The following TPO variants were observed in gnomAD, a reference collection of about 807,000 sequenced individuals.
The protein encoded by TPO is thyroid peroxidase.
A neutral mutation model predicts 96.9 loss-of-function variants in TPO; 78 were observed. The observed-to-expected ratio is 0.81, with a 90% CI of 0.67 to 0.97. The LOEUF (loss-of-function observed/expected upper bound fraction) is 0.97. TPO is among the 50% of genes least tolerant of loss of function. TPO has a pLI of 0.00. For missense variants in TPO, 1,252 were observed against 1,274.8 expected, an observed-to-expected ratio of 0.98 and a Z score of 0.27; for synonymous variants, 547 against 538.0, an observed-to-expected ratio of 1.02 and a Z score of -0.23.
chr2:1,480,824 C>CCAAACCATGTTTCT (rs1558339135), intron 8 of TPO, among the ~76,000 whole-genome samples: 26 of 133,698 alleles, frequency 1.9e-4, no homozygotes, highest in Non-Finnish European at 2.6e-4. Flanking sequence ...CACACCACGT[C>CCAAACCATGTTTCT]CCTGCTGCTG....
At chr2:1,437,008 A>G (rs1237640278) in intron 5 of TPO, among the ~76,000 whole-genome samples, 4 of 152,166 alleles carry the variant, frequency 2.6e-5, no homozygotes, top group Admixed American at 2.6e-4. Flanking sequence ...CTGGTCCACA[A>G]TGGCAGGAGA....
chr2:1,530,130 A>G (rs1166683612), intron 15 of TPO, among the ~76,000 whole-genome samples: 1 of 72,024 alleles, frequency 1.4e-5, no homozygotes, highest in Non-Finnish European at 2.5e-5. Flanking sequence ...CCTATGCGCA[A>G]CCTCGCAAAA....
At chr2:1,432,635 G>A (rs368368413) in intron 3 of TPO, among the ~76,000 whole-genome samples, 49 of 118,950 alleles carry the variant, frequency 4.1e-4, no homozygotes, top group African/African-American at 1.6e-3. Flanking sequence ...GCAGGTGAGG[G>A]GAGGCCTGCA....
chr2:1,415,083 C>G (rs1027534742), intron 2 of TPO, among the ~76,000 whole-genome samples: 1 of 149,042 alleles, frequency 6.7e-6, no homozygotes. Context: ...CCTCTGCACA[C>G]AGTCCCGGGG....
At chr2:1,381,899 C>G (rs1661815913) in intron 1 of TPO, among the ~76,000 whole-genome samples, 1 of 152,124 alleles carries the variant, frequency 6.6e-6, no homozygotes, top group African/African-American at 2.4e-5. Context: ...ACAATTGTCT[C>G]TACCTCATGA....
chr2:1,385,420 A>T (rs376017939), intron 1 of TPO, among the ~76,000 whole-genome samples: 1 of 152,054 alleles, frequency 6.6e-6, no homozygotes, highest in South Asian at 2.1e-4. Flanking sequence ...ATTCAACTTC[A>T]TCCTGGTTTA....
chr2:1,542,446 A>T lies in TPO; in HGVS notation c.2774A>T (p.Asp925Val). ...EQESAGMEGR[D>V]THRLPRAL The stretch of plus-strand genomic sequence containing the variant: ...GAGAGTGCTGGGATGGAAGGCCGGG[A>T]TACTCACAGGCTGCCGAGAGCCCTC... Residue 925 changes from aspartate (D) to valine (V), a missense_variant, in exon 17 of 17, where the codon GAT becomes GTT. Physicochemically the swap from Asp to Val is radical, Grantham distance 152 (BLOSUM62 -3). Transcript: ENST00000329066. 1 of 1,614,198 alleles carries T rather than the reference A, an allele frequency of 6.2e-7. No homozygotes were observed. Among genetic ancestry groups the T allele is most frequent in the Non-Finnish European group, 8.5e-7 (1 of 1,180,030 alleles).
chr2:1,466,343 G>A (rs912888697), intron 7 of TPO, among the ~76,000 whole-genome samples: 7 of 152,178 alleles, frequency 4.6e-5, no homozygotes, highest in East Asian at 1.9e-4. Flanking sequence ...TTATTGGTCC[G>A]TAGTTTTCTT....
intron 4 of TPO, among the ~76,000 whole-genome samples, chr2:1,435,249 C>T (rs889122392): frequency 1.3e-5 from 2 of 152,164 alleles, no homozygotes; most frequent in African/African-American, 2.4e-5. Context: ...TCTTTTCTAT[C>T]GCACATGATT....
chr2:1,467,202 C>G (rs927216162), intron 7 of TPO, among the ~76,000 whole-genome samples: 1 of 151,824 alleles, frequency 6.6e-6, no homozygotes, highest in Non-Finnish European at 1.5e-5. Context: ...CTCCTGGGTT[C>G]AAGTGATTCT....
intron 3 of TPO, among the ~76,000 whole-genome samples, chr2:1,430,779 T>C (rs1664899982): frequency 6.6e-6 from 1 of 152,224 alleles, no homozygotes. Flanking sequence ...GCCTGCTGAG[T>C]GTAGACTGGT....
In TPO at chr2:1,456,260, A is replaced by C. The variant is rs796498469; in HGVS notation, c.797A>C (p.Gln266Pro). The change falls in exon 7 of 17, where the codon CAA (glutamine) becomes CCA (proline). Residue 266 changes from glutamine (Q) to proline (P), a missense_variant. Gln to Pro is a moderately conservative substitution (Grantham distance 76, BLOSUM62 -1). Coordinates refer to ENST00000329066, the MANE Select transcript of TPO (RefSeq NM_001206744.2). Reference protein sequence around the residue: ...GADCQMTCENQNPCFPIQLPE... With the variant: ...GADCQMTCENPNPCFPIQLPE... ...GACTGCCAGATGACTTGTGAGAACCAAAACCCATGTTTTCCCATACAAGTA... is the reference window on the plus strand; with the variant it reads ...GACTGCCAGATGACTTGTGAGAACCCAAACCCATGTTTTCCCATACAAGTA... The C allele has an allele frequency of 1.9e-6, 3 of 1,613,878 alleles. No homozygotes were observed. Among genetic ancestry groups the C allele is most frequent in the Non-Finnish European group, 2.5e-6 (3 of 1,179,790 alleles).
chr2:1,533,883 T>A, intron 15 of TPO, among the ~76,000 whole-genome samples: 1 of 91,562 alleles, frequency 1.1e-5, no homozygotes, highest in South Asian at 4.7e-4. Context: ...CCCCCCACTC[T>A]GTGTGCAACC....
At chr2:1,462,237 C>T (rs886530809) in intron 7 of TPO, among the ~76,000 whole-genome samples, 4 of 152,014 alleles carry the variant, frequency 2.6e-5, no homozygotes, top group Admixed American at 2.6e-4. Context: ...AGGGGCTGGA[C>T]CATCTCAGGC....
chr2:1,451,455 G>C (rs996152815), intron 5 of TPO, among the ~76,000 whole-genome samples: 7 of 152,120 alleles, frequency 4.6e-5, no homozygotes, highest in Non-Finnish European at 2.9e-5. Flanking sequence ...ATCTTGTCAC[G>C]ATTCTTGTAG....
Position 1,499,653 on chromosome 2 carries a change from G to GC in TPO, c.2386+2889dup, listed in dbSNP as rs371918803. On this transcript the variant is annotated intron_variant, in intron 13 of 16. Coordinates refer to ENST00000329066, the MANE Select transcript of TPO (RefSeq NM_001206744.2). ...GCTTATTACACCTGTGGTGTCTGGG[G>GC]CACCACAATCCCTGCGTCAGAATCC... Among the ~76,000 whole-genome samples the GC allele has an allele frequency of 1.4e-3, 220 of 152,020 alleles. 1 individual carries two copies. Among genetic ancestry groups the GC allele is most frequent in the African/African-American group, 5.3e-3 (218 of 41,496 alleles).
At chr2:1,507,104 G>C (rs944913170) in intron 14 of TPO, among the ~76,000 whole-genome samples, 2 of 152,038 alleles carry the variant, frequency 1.3e-5, no homozygotes, top group Non-Finnish European at 2.9e-5. Flanking sequence ...TCTACATATG[G>C]CTAGCCAGTT....
intron 7 of TPO, among the ~76,000 whole-genome samples, chr2:1,474,719 G>A (rs992209514): frequency 2.0e-5 from 3 of 152,120 alleles, no homozygotes; most frequent in Non-Finnish European, 4.4e-5. Context: ...CCATGAAACC[G>A]CATATACAGT....
intron 1 of TPO, among the ~76,000 whole-genome samples, chr2:1,391,531 G>GT (rs1236256207): frequency 6.6e-6 from 1 of 152,142 alleles, no homozygotes; most frequent in African/African-American, 2.4e-5. Flanking sequence ...CTTTAAAGTA[G>GT]TTTTTTCCAA....
Sources: gnomAD v4.1 joint callset for allele counts (sites outside exome capture counted in the v4.1 genomes callset) on GRCh38, gnomAD v4.1.1 for gene constraint, MANE v1.5 for transcripts, NCBI Gene and HGNC (gene_info 2026-07-23, HGNC 2026-07-21) for gene names.